PLEKHM3: variants seen among roughly 807,000 people sequenced by gnomAD.
PLEKHM3 encodes pleckstrin homology domain-containing family M member 3.
Under a neutral mutation model 81.8 loss-of-function variants are expected in PLEKHM3, and 45 were observed. The ratio of observed to expected loss-of-function variants is 0.55; its 90% CI spans 0.43 to 0.71. The LOEUF (loss-of-function observed/expected upper bound fraction) is 0.71, where lower values mean the gene tolerates loss of function less well. Ranked by LOEUF, PLEKHM3 falls within the 30% of genes least tolerant of loss-of-function variation. The pLI, the probability that PLEKHM3 is intolerant of heterozygous loss-of-function variation, is 0.00. For missense variants in PLEKHM3, 788 were observed against 924.3 expected, an observed-to-expected ratio of 0.85 and a Z score of 1.91; for synonymous variants, 352 against 356.4, an observed-to-expected ratio of 0.99 and a Z score of 0.14.
At chr2:207,925,771 G>A (rs1268353875) in intron 5 of PLEKHM3, among the ~76,000 whole-genome samples, 1 of 152,110 alleles carries the variant, frequency 6.6e-6, no homozygotes, top group Non-Finnish European at 1.5e-5. Flanking sequence ...TACCGCAACT[G>A]CCTGAGGGGC....
At chr2:207,886,529 C>G (rs1687890846) in intron 6 of PLEKHM3, among the ~76,000 whole-genome samples, 1 of 152,030 alleles carries the variant, frequency 6.6e-6, no homozygotes, top group African/African-American at 2.4e-5. Flanking sequence ...AAATGAAAGC[C>G]TTATAGAAAT....
chr2:207,947,503 C>G (rs61612813), intron 3 of PLEKHM3, among the ~76,000 whole-genome samples: 5,974 of 152,280 alleles, frequency 0.039, 362 homozygotes, highest in African/African-American at 0.14. Flanking sequence ...TCCCCAAGGA[C>G]AAAATCCTGG....
intron 6 of PLEKHM3, among the ~76,000 whole-genome samples, chr2:207,866,062 G>A (rs2092499003): frequency 6.6e-6 from 1 of 151,414 alleles, no homozygotes; most frequent in Non-Finnish European, 1.5e-5. Flanking sequence ...TTTATTTCTA[G>A]ATGTCAGTCT....
At position 207,977,234 on chromosome 2, in the gene PLEKHM3, C is replaced by T; in HGVS notation, c.963G>A (p.Leu321=). The part of the protein sequence containing the change: ...VPGYMGRQNE[L]TISPGLGHHD... ...GATGGCCAAGCCCTGGTGAGATTGTCAGCTCATTCTGCCGCCCCATGTAAC... is the reference window on the plus strand; with the variant it reads ...GATGGCCAAGCCCTGGTGAGATTGTTAGCTCATTCTGCCGCCCCATGTAAC... The change falls in exon 3 of 8, where the codon CTG becomes CTA. Residue 321 remains leucine (L), a synonymous_variant. Transcript: ENST00000427836. The T allele has an allele frequency of 3.7e-6, 6 of 1,614,166 alleles. No individual in the cohort carries two copies. Among genetic ancestry groups the T allele is most frequent in the Non-Finnish European group, 5.1e-6 (6 of 1,180,026 alleles).
In PLEKHM3 at chr2:207,976,428, T is replaced by C. The variant is rs1329619204; in HGVS notation, c.1546+223A>G. ...TTCAACAGGATATATCATAGCTGCT[T>C]CTATTTACTTCAACAGCATGGGATA... On this transcript the variant is annotated intron_variant, in intron 3 of 7. Coordinates refer to ENST00000427836, the MANE Select transcript of PLEKHM3 (RefSeq NM_001080475.3). This position sits in a 1 kb window ranked among gnomAD's most constrained non-coding sequence, Gnocchi z 4.1. Among the ~76,000 whole-genome samples, 1 of 152,242 alleles carries C rather than the reference T, an allele frequency of 6.6e-6. No homozygotes were observed. Among genetic ancestry groups the C allele is most frequent in the Non-Finnish European group, 1.5e-5 (1 of 68,040 alleles).
chr2:207,909,272 C>G (rs543452190), intron 5 of PLEKHM3, among the ~76,000 whole-genome samples: 29 of 152,148 alleles, frequency 1.9e-4, no homozygotes, highest in Non-Finnish European at 4.0e-4. Flanking sequence ...AATGAATGAA[C>G]AGACAAAAAT....
chr2:207,856,752 T>A (rs890799950), intron 7 of PLEKHM3, among the ~76,000 whole-genome samples: 1 of 152,216 alleles, frequency 6.6e-6, no homozygotes, highest in African/African-American at 2.4e-5. Context: ...TGATTATGAA[T>A]AAAGCTGCCA....
At position 207,929,564 on chromosome 2, in the gene PLEKHM3, G is replaced by A. The variant is rs116442303; in HGVS notation, c.1886+1362C>T. ...TGGTTTAGTTGGTAAATTAGTTTGAGACATATAATTCTATTGCCTTCCAAG... is the reference window on the plus strand; with the variant it reads ...TGGTTTAGTTGGTAAATTAGTTTGAAACATATAATTCTATTGCCTTCCAAG... On this transcript the variant is annotated intron_variant, in intron 5 of 7. Coordinates refer to ENST00000427836, the MANE Select transcript of PLEKHM3 (RefSeq NM_001080475.3). 2.8e-3 allele frequency among the ~76,000 whole-genome samples: 423 copies of A among 152,224 alleles called. 2 individuals carry two copies. In the Middle Eastern group the frequency reaches 0.041, roughly 15 times the overall value.
intron 3 of PLEKHM3, among the ~76,000 whole-genome samples, chr2:207,964,512 A>G (rs550235865): frequency 6.6e-6 from 1 of 152,272 alleles, no homozygotes; most frequent in South Asian, 2.1e-4. Flanking sequence ...GGGAGGCTGC[A>G]AAGGAGAAAT....
At chr2:207,865,543 C>T (rs945914602) in intron 6 of PLEKHM3, among the ~76,000 whole-genome samples, 6 of 151,434 alleles carry the variant, frequency 4.0e-5, no homozygotes, top group African/African-American at 1.5e-4. Flanking sequence ...TTTGGGAGGT[C>T]GAAGCGGGCA....
intron 2 of PLEKHM3, among the ~76,000 whole-genome samples, chr2:207,992,127 T>A (rs1455299132): frequency 1.3e-5 from 2 of 152,202 alleles, no homozygotes; most frequent in Non-Finnish European, 1.5e-5. Context: ...TAGATCACAC[T>A]GTGTTTTATT....
intron 1 of PLEKHM3, among the ~76,000 whole-genome samples, chr2:208,009,674 T>C (rs1692621831): frequency 6.6e-6 from 1 of 152,226 alleles, no homozygotes; most frequent in East Asian, 1.9e-4. Context: ...GCAGCAATTC[T>C]GCCCTCTTCC....
chr2:207,829,617 CA>C (rs2092273467), intron 7 of PLEKHM3, among the ~76,000 whole-genome samples: 4 of 152,130 alleles, frequency 2.6e-5, no homozygotes, highest in Admixed American at 2.6e-4. Context: ...AGCTCAAATA[CA>C]GCTGCTCCAG....
intron 1 of PLEKHM3, among the ~76,000 whole-genome samples, chr2:208,021,368 T>A (rs1477847843): frequency 6.6e-6 from 1 of 152,272 alleles, no homozygotes; most frequent in African/African-American, 2.4e-5. Context: ...CTATTACTTC[T>A]ATATGACATT....
chr2:207,824,911 G>A lies in PLEKHM3; in HGVS notation c.*3408C>T, dbSNP rs571786934. On this transcript the variant is annotated 3_prime_UTR_variant, in exon 8 of 8. Transcript: ENST00000427836. ...CAAGTATTAGACGTATTCCCTTCTT[G>A]GTGGAGGCCTACTCTAGAAGAATCA... 6.6e-6 allele frequency: 1 copy of A among 152,100 alleles called. No homozygotes were observed. The highest frequency in any genetic ancestry group is 1.5e-5 in the Non-Finnish European group (1 of 68,014). The allele number at this position is 152,100 out of a possible 1,614,324, so 9.4% of individuals were successfully genotyped here.
In PLEKHM3 at chr2:208,003,256, G is replaced by C. The variant is rs186735281; in HGVS notation, c.-318-1299C>G. ...ACCATGATTCCAGCCATGTGGAATT[G>C]TAAGTCCAATAAAACACTTTCTTTT... On this transcript the variant is annotated intron_variant, in intron 1 of 7. Transcript: ENST00000427836. 2.1e-4 allele frequency among the ~76,000 whole-genome samples: 32 copies of C among 152,318 alleles called. No homozygotes were observed. The East Asian group carries it at 5.4e-3, about 26-fold the overall frequency.
rs185009376 is a variant in PLEKHM3, at chr2:207,841,133, T to C, written c.2109-12637A>G. 1.5e-4 allele frequency among the ~76,000 whole-genome samples: 23 copies of C among 152,144 alleles called. No homozygotes were observed. The East Asian group carries it at 4.5e-3, about 29-fold the overall frequency. On this transcript the variant is annotated intron_variant, in intron 7 of 7. Transcript: ENST00000427836. ...ACTCTTTACGTATTTAAAAGCATTT[T>C]GCTTCCATGGCTTAGAAAGTCCTTT...
chr2:207,989,614 C>T (rs923973934), intron 2 of PLEKHM3, among the ~76,000 whole-genome samples: 4 of 152,164 alleles, frequency 2.6e-5, no homozygotes, highest in African/African-American at 4.8e-5. Flanking sequence ...CACATCATGA[C>T]GCCTGGCAGA....
At chr2:207,880,876 T>TA (rs1553548332) in intron 6 of PLEKHM3, among the ~76,000 whole-genome samples, 7 of 149,784 alleles carry the variant, frequency 4.7e-5, no homozygotes, top group Admixed American at 4.0e-4. Flanking sequence ...TCTTTTTTTT[T>TA]ACCTCTAAAA....
Sources: allele counts gnomAD v4.1 joint callset (sites outside exome capture counted in the v4.1 genomes callset), GRCh38; gene constraint gnomAD v4.1.1; non-coding constraint Gnocchi (gnomAD v3.1); transcripts MANE v1.5; gene names NCBI Gene and HGNC (gene_info 2026-07-23, HGNC 2026-07-21).